Variants in NLGN1 observed in about 807,000 individuals in gnomAD.
NLGN1 encodes neuroligin-1.
Under a neutral mutation model 65.5 loss-of-function variants are expected in NLGN1, and 12 were observed. That is an observed-to-expected ratio of 0.18 (90% CI 0.12 to 0.30). NLGN1 has a LOEUF of 0.30. NLGN1 is among the 10% of genes least tolerant of loss of function. The pLI is 1.00. For missense variants in NLGN1, 750 were observed against 1,007.1 expected, an observed-to-expected ratio of 0.74 and a Z score of 3.46; for synonymous variants, 350 against 359.5, an observed-to-expected ratio of 0.97 and a Z score of 0.30.
chr3:174,057,074 G>T (rs1736293237), intron 4 of NLGN1, among the ~76,000 whole-genome samples: 1 of 151,786 alleles, frequency 6.6e-6, no homozygotes, highest in African/African-American at 2.4e-5. Flanking sequence ...GTAGATTGAT[G>T]TTCCACAGCT....
At chr3:173,699,910 C>G (rs1469554807) in intron 3 of NLGN1, among the ~76,000 whole-genome samples, 5 of 152,130 alleles carry the variant, frequency 3.3e-5, no homozygotes, top group Admixed American at 3.3e-4. Context: ...GAAAAGAGAA[C>G]TTTTCTGGTC....
intron 3 of NLGN1, among the ~76,000 whole-genome samples, chr3:173,687,073 A>G (rs558137887): frequency 1.1e-4 from 16 of 152,338 alleles, no homozygotes; most frequent in Non-Finnish European, 1.6e-4. Context: ...GCACTGGGAC[A>G]GTAGTAGTCT....
chr3:174,272,224 A>G (rs1749530832), intron 4 of NLGN1, among the ~76,000 whole-genome samples: 1 of 151,732 alleles, frequency 6.6e-6, no homozygotes, highest in Non-Finnish European at 1.5e-5. Context: ...TGACTGGACT[A>G]TAGTTGAGCA....
At chr3:174,164,325 A>G (rs1374368089) in intron 4 of NLGN1, among the ~76,000 whole-genome samples, 2 of 151,928 alleles carry the variant, frequency 1.3e-5, no homozygotes. Flanking sequence ...GTTCCTGGAT[A>G]TTAGACCTTT....
chr3:173,769,806 A>G (rs1371778025), intron 3 of NLGN1, among the ~76,000 whole-genome samples: 5 of 152,146 alleles, frequency 3.3e-5, no homozygotes, highest in Non-Finnish European at 1.5e-5. Context: ...TACTGGTTAT[A>G]ATTTATTTGA....
At chr3:173,403,751 T>G (rs1718130365) in intron 1 of NLGN1, among the ~76,000 whole-genome samples, 1 of 152,204 alleles carries the variant, frequency 6.6e-6, no homozygotes, top group Non-Finnish European at 1.5e-5. Flanking sequence ...AACTTTAACT[T>G]TGTTTAAATA....
chr3:173,797,861 G>A (rs971284056), intron 3 of NLGN1, among the ~76,000 whole-genome samples: 4 of 152,064 alleles, frequency 2.6e-5, no homozygotes, highest in African/African-American at 9.7e-5. Context: ...ATGATGTTTT[G>A]ACAACAATTC....
intron 4 of NLGN1, among the ~76,000 whole-genome samples, chr3:173,818,548 A>C (rs1243037092): frequency 6.6e-6 from 1 of 152,180 alleles, no homozygotes; most frequent in Non-Finnish European, 1.5e-5. Context: ...CCCACAACCA[A>C]CCAGGCAAAG....
chr3:174,123,710 G>A (rs545280080), intron 4 of NLGN1, among the ~76,000 whole-genome samples: 1 of 151,928 alleles, frequency 6.6e-6, no homozygotes, highest in Non-Finnish European at 1.5e-5. Flanking sequence ...CTGCCTATAG[G>A]TGCCATATTA....
At chr3:174,040,130 T>A (rs1009879986) in intron 4 of NLGN1, among the ~76,000 whole-genome samples, 1 of 152,172 alleles carries the variant, frequency 6.6e-6, no homozygotes, top group Non-Finnish European at 1.5e-5. Flanking sequence ...GACATACAGG[T>A]TGCCCCATTC....
At chr3:173,675,212 G>T (rs528366240) in intron 3 of NLGN1, among the ~76,000 whole-genome samples, 1 of 152,162 alleles carries the variant, frequency 6.6e-6, no homozygotes, top group Non-Finnish European at 1.5e-5. Flanking sequence ...TTGCACTGAT[G>T]TCTATGTGGA....
At chr3:173,829,888 T>A (rs1451947009) in intron 4 of NLGN1, among the ~76,000 whole-genome samples, 1 of 152,066 alleles carries the variant, frequency 6.6e-6, no homozygotes, top group African/African-American at 2.4e-5. Flanking sequence ...TGAGTAATCA[T>A]CTGTGATGTT....
chr3:174,232,590 A>C (rs908859507), intron 4 of NLGN1, among the ~76,000 whole-genome samples: 1 of 152,228 alleles, frequency 6.6e-6, no homozygotes, highest in African/African-American at 2.4e-5. Flanking sequence ...ACAGAAATGA[A>C]TATACCATCC....
chr3:174,052,294 G>A (rs1254868548), intron 4 of NLGN1, among the ~76,000 whole-genome samples: 1 of 151,854 alleles, frequency 6.6e-6, no homozygotes, highest in Non-Finnish European at 1.5e-5. Flanking sequence ...AGATGATTTG[G>A]GGCCCTTTTG....
chr3:173,707,808 A>G (rs1380963935), intron 3 of NLGN1, among the ~76,000 whole-genome samples: 6 of 152,220 alleles, frequency 3.9e-5, no homozygotes. Context: ...TGCTGCCAAT[A>G]TTAATCCCAA....
chr3:173,904,412 CTCTTCTTAACTT>C (rs911349533), intron 4 of NLGN1, among the ~76,000 whole-genome samples: 3 of 152,016 alleles, frequency 2.0e-5, no homozygotes, highest in African/African-American at 7.2e-5. Flanking sequence ...CCTGGCTTCT[CTCTTCTTAACTT>C]TCACCTCTTT....
At chr3:174,087,550 G>A (rs1251691815) in intron 4 of NLGN1, among the ~76,000 whole-genome samples, 1 of 151,992 alleles carries the variant, frequency 6.6e-6, no homozygotes, top group Non-Finnish European at 1.5e-5. Flanking sequence ...TACCAAATAC[G>A]TCCCGTACTC....
intron 2 of NLGN1, among the ~76,000 whole-genome samples, chr3:173,459,998 A>AT (rs1399004048): frequency 6.6e-6 from 1 of 152,006 alleles, no homozygotes; most frequent in Non-Finnish European, 1.5e-5. Context: ...ATGCAGAATT[A>AT]TTTTTTGCTG....
intron 4 of NLGN1, among the ~76,000 whole-genome samples, chr3:174,109,056 T>C (rs1714619690): frequency 6.6e-6 from 1 of 152,074 alleles, no homozygotes; most frequent in Admixed American, 6.6e-5. Context: ...TTTGAAAAGA[T>C]ACAGGCTAAA....
Sources: gnomAD v4.1 joint callset for allele counts (sites outside exome capture counted in the v4.1 genomes callset) on GRCh38, gnomAD v4.1.1 for gene constraint, MANE v1.5 for transcripts, NCBI Gene and HGNC (gene_info 2026-07-23, HGNC 2026-07-21) for gene names.